SGCZ: variants seen among roughly 807,000 people sequenced by gnomAD.
The protein encoded by SGCZ is zeta-sarcoglycan.
Under a neutral mutation model 41.3 loss-of-function variants are expected in SGCZ, and 40 were observed. The ratio of observed to expected loss-of-function variants is 0.97; its 90% CI spans 0.75 to 1.26. SGCZ has a LOEUF of 1.26. Ranked by LOEUF, SGCZ falls within the 50% of genes most tolerant of loss-of-function variation. The probability of loss-of-function intolerance (pLI) is 0.00; values close to 1 mark genes in which losing one functional copy is unlikely to be tolerated. For missense variants in SGCZ, 552 were observed against 369.8 expected (o/e 1.49, Z -4.04); for synonymous variants, 206 against 137.5 (o/e 1.50, Z -3.49).
rs972218572 is a variant in SGCZ, at chr8:14,856,442, A to C, written c.40-301516T>G. Among the ~76,000 whole-genome samples the C allele has an allele frequency of 1.3e-4, 19 of 151,874 alleles. 1 individual carries two copies. The highest frequency in any genetic ancestry group is 6.9e-3 in the Middle Eastern group (2 of 290). On this transcript the variant is annotated intron_variant, in intron 1 of 7. Coordinates refer to ENST00000382080, the MANE Select transcript of SGCZ (RefSeq NM_139167.4). ...AAAAGTTCAGCACTATCACATATTC[A>C]AACTATTGCAAATTTATGCATGTGG... is the stretch of plus-strand genomic sequence containing the variant.
rs564852114 is a variant in SGCZ at position 14,435,504 on chromosome 8, G to A, written c.235-111300C>T. 7.9e-5 allele frequency among the ~76,000 whole-genome samples: 12 copies of A among 151,994 alleles called. No individual in the cohort carries two copies. The South Asian group carries it at 8.3e-4, about 11-fold the overall frequency. On this transcript the variant is annotated intron_variant, in intron 2 of 7. Coordinates refer to ENST00000382080, the MANE Select transcript of SGCZ (RefSeq NM_139167.4). ...TTATATCCCTTTACCCCAATCATGC[G>A]ATCATATACTTATGTTAAAGTGAGA...
chr8:15,137,785 G>C lies in SGCZ; in HGVS notation c.39+99800C>G, dbSNP rs536151633. On this transcript the variant is annotated intron_variant, in intron 1 of 7. Coordinates refer to ENST00000382080, the MANE Select transcript of SGCZ (RefSeq NM_139167.4). ...TGTCCAGGCAGAAGTTTGCTGCAGA[G>C]ATGGATCCCTCATGGAGAACCTCTG... Among the ~76,000 whole-genome samples, 4 of 152,346 alleles carry C rather than the reference G, an allele frequency of 2.6e-5. No individual in the cohort carries two copies. The South Asian group carries it at 8.3e-4, about 32-fold the overall frequency.
intron 2 of SGCZ, among the ~76,000 whole-genome samples, chr8:14,331,893 C>T (rs915517172): frequency 6.6e-6 from 1 of 151,776 alleles, no homozygotes; most frequent in South Asian, 2.1e-4. Context: ...ATTTTCTCTA[C>T]TGATAATACA....
chr8:14,200,480 G>A (rs907608892), intron 4 of SGCZ, among the ~76,000 whole-genome samples: 28 of 152,246 alleles, frequency 1.8e-4, no homozygotes, highest in African/African-American at 6.5e-4. Context: ...CATGTACAGT[G>A]CAGTATTTTT....
intron 3 of SGCZ, among the ~76,000 whole-genome samples, chr8:14,247,302 T>G (rs555125889): frequency 6.6e-5 from 10 of 152,254 alleles, no homozygotes; most frequent in African/African-American, 2.2e-4. Context: ...AGCTATACAG[T>G]AATCAGAGTA....
At chr8:14,408,659 A>G (rs907225784) in intron 2 of SGCZ, among the ~76,000 whole-genome samples, 1 of 152,168 alleles carries the variant, frequency 6.6e-6, no homozygotes, top group African/African-American at 2.4e-5. Context: ...GGATGGTCCC[A>G]GGCTGTGAGT....
chr8:14,231,318 G>A (rs904908087), intron 4 of SGCZ, among the ~76,000 whole-genome samples: 8 of 151,910 alleles, frequency 5.3e-5, no homozygotes, highest in Non-Finnish European at 1.0e-4. Flanking sequence ...GAGGTGGGCA[G>A]AGGGGCACTG....
intron 2 of SGCZ, among the ~76,000 whole-genome samples, chr8:14,450,170 G>T (rs945525820): frequency 3.3e-5 from 5 of 152,198 alleles, no homozygotes; most frequent in East Asian, 1.9e-4. Context: ...ATGGCTGTGT[G>T]ATGAAGCCAG....
At chr8:14,278,076 C>T (rs913877406) in intron 3 of SGCZ, among the ~76,000 whole-genome samples, 2 of 152,056 alleles carry the variant, frequency 1.3e-5, no homozygotes, top group African/African-American at 4.8e-5. Context: ...CTCACCTTTC[C>T]ATAACTTTTC....
At chr8:14,720,889 T>C (rs1253961275) in intron 1 of SGCZ, among the ~76,000 whole-genome samples, 1 of 148,294 alleles carries the variant, frequency 6.7e-6, no homozygotes, top group Non-Finnish European at 1.5e-5. Flanking sequence ...ATCAGGTTTT[T>C]TCCCCAATAC....
intron 1 of SGCZ, among the ~76,000 whole-genome samples, chr8:14,766,123 C>A (rs1316174136): frequency 6.6e-6 from 1 of 151,848 alleles, no homozygotes; most frequent in African/African-American, 2.4e-5. Flanking sequence ...CCACCACACC[C>A]AACTTTTTAA....
chr8:14,270,747 C>T (rs190073879), intron 3 of SGCZ, among the ~76,000 whole-genome samples: 152 of 152,108 alleles, frequency 1.0e-3, no homozygotes, highest in African/African-American at 3.4e-3. Context: ...TATGAAACTG[C>T]GGTATAGTAT....
At chr8:14,498,956 T>C (rs1382115959) in intron 2 of SGCZ, among the ~76,000 whole-genome samples, 2 of 152,088 alleles carry the variant, frequency 1.3e-5, no homozygotes, top group Middle Eastern at 3.4e-3. Context: ...ACACCAGCAG[T>C]ATCTATGAAT....
chr8:14,933,431 CTTTT>C (rs11443740), intron 1 of SGCZ, among the ~76,000 whole-genome samples: 1 of 120,416 alleles, frequency 8.3e-6, no homozygotes, highest in Non-Finnish European at 1.6e-5. Flanking sequence ...CTTTTTTTTT[CTTTT>C]TTTTTTTTTT....
At chr8:14,952,703 G>A (rs569169655) in intron 1 of SGCZ, among the ~76,000 whole-genome samples, 1 of 152,236 alleles carries the variant, frequency 6.6e-6, no homozygotes, top group South Asian at 2.1e-4. Context: ...TTCTAAACAA[G>A]TACAAAGAAG....
At chr8:15,194,787 C>T (rs28406446) in intron 1 of SGCZ, among the ~76,000 whole-genome samples, 17,876 of 151,974 alleles carry the variant, frequency 0.12, 1,153 homozygotes, top group African/African-American at 0.18. Flanking sequence ...TTTCAGAAAG[C>T]AGCCCTGCTG....
Position 15,071,677 on chromosome 8 carries a change from T to C in SGCZ, c.39+165908A>G, listed in dbSNP as rs539479871. Among the ~76,000 whole-genome samples, 4 of 152,332 alleles carry C rather than the reference T, an allele frequency of 2.6e-5. No homozygotes were observed. The South Asian group carries it at 8.3e-4, about 32-fold the overall frequency. ...AGACAACTTCTGAAATGTAATGGTG[T>C]AATTTTTGTTTGGGTACCAACCTCA... On this transcript the variant is annotated intron_variant, in intron 1 of 7. Coordinates refer to ENST00000382080, the MANE Select transcript of SGCZ (RefSeq NM_139167.4).
intron 1 of SGCZ, among the ~76,000 whole-genome samples, chr8:14,771,173 G>A (rs115798160): frequency 8.3e-4 from 126 of 152,226 alleles, no homozygotes; most frequent in African/African-American, 2.9e-3. Flanking sequence ...AACTACCCAA[G>A]GCAAAGGGTC....
chr8:15,021,394 G>T (rs1480446269), intron 1 of SGCZ, among the ~76,000 whole-genome samples: 1 of 152,180 alleles, frequency 6.6e-6, no homozygotes, highest in African/African-American at 2.4e-5. Flanking sequence ...GGCCCGTTCA[G>T]ACTTGTGTTC....
Sources: allele counts gnomAD v4.1 joint callset (sites outside exome capture counted in the v4.1 genomes callset), GRCh38; gene constraint gnomAD v4.1.1; transcripts MANE v1.5; gene names NCBI Gene and HGNC (gene_info 2026-07-23, HGNC 2026-07-21).